Variants in DNAJB6 observed in about 807,000 individuals in gnomAD.
The protein encoded by DNAJB6 is dnaJ homolog subfamily B member 6.
In DNAJB6, 16 loss-of-function variants were observed where a neutral mutation model predicts 42.7. That is an observed-to-expected ratio of 0.37 (90% CI 0.25 to 0.57). The LOEUF (loss-of-function observed/expected upper bound fraction) is 0.57. Among genes scored for constraint, DNAJB6 ranks in the 20% least tolerant of loss-of-function variants. DNAJB6 has a pLI of 0.74. For synonymous variants in DNAJB6, 170 were observed against 163.5 expected (o/e 1.04, Z -0.30); for missense variants, 347 against 416.8 (o/e 0.83, Z 1.46).
chr7:157,402,311 C>CT (rs1205636116), intron 8 of DNAJB6, among the ~76,000 whole-genome samples: 1 of 152,230 alleles, frequency 6.6e-6, no homozygotes, highest in Admixed American at 6.5e-5. Context: ...GGCGCCTCTT[C>CT]TTCCCTGAGC....
In DNAJB6 at chr7:157,416,152, G is replaced by A. The variant is rs1323646864; in HGVS notation, c.*54G>A. ...CAGACGCTGGCGCTCCACCGTGCTC[G>A]GCATGCGGTCGTGCACACGCGCTAG... On this transcript the variant is annotated 3_prime_UTR_variant, in exon 10 of 10. Transcript: ENST00000262177. 1.7e-5 allele frequency: 27 copies of A among 1,587,864 alleles called. No individual in the cohort carries two copies. Among genetic ancestry groups the A allele is most frequent in the African/African-American group, 1.2e-4 (9 of 74,182 alleles).
chr7:157,348,022 T>G (rs1385853015), intron 1 of DNAJB6, among the ~76,000 whole-genome samples: 1 of 151,108 alleles, frequency 6.6e-6, no homozygotes, highest in Non-Finnish European at 1.5e-5. Context: ...TCTTGAACTC[T>G]TGACCTCAGG....
chr7:157,353,058 G>T (rs561971835), intron 1 of DNAJB6, among the ~76,000 whole-genome samples: 2 of 151,982 alleles, frequency 1.3e-5, no homozygotes, highest in African/African-American at 4.8e-5. Flanking sequence ...TCTCGTTAAG[G>T]TCAGGAATTG....
At chr7:157,411,385 G>A (rs1223010695) in intron 9 of DNAJB6, 3 of 148,586 alleles carry the variant, frequency 2.0e-5, no homozygotes, top group Non-Finnish European at 4.5e-5. Context: ...TGCACTGAGC[G>A]GGCGTGGGGA....
intron 1 of DNAJB6, among the ~76,000 whole-genome samples, chr7:157,349,559 T>C (rs891367102): frequency 1.3e-5 from 2 of 152,088 alleles, no homozygotes; most frequent in Non-Finnish European, 2.9e-5. Flanking sequence ...CACGGCTCAC[T>C]GCAGCCTAGA....
At chr7:157,371,603 G>A (rs1800214878) in intron 5 of DNAJB6, among the ~76,000 whole-genome samples, 1 of 152,230 alleles carries the variant, frequency 6.6e-6, no homozygotes, top group African/African-American at 2.4e-5. Flanking sequence ...GAATTGGAGG[G>A]GTACAATCAA....
chr7:157,373,041 C>G (rs1192369090), intron 5 of DNAJB6, among the ~76,000 whole-genome samples: 1 of 151,940 alleles, frequency 6.6e-6, no homozygotes, highest in African/African-American at 2.4e-5. Flanking sequence ...AGTAACTGAT[C>G]ACAGGCATGA....
At chr7:157,352,257 A>T (rs1247969842) in intron 1 of DNAJB6, among the ~76,000 whole-genome samples, 1 of 151,834 alleles carries the variant, frequency 6.6e-6, no homozygotes, top group Admixed American at 6.6e-5. Context: ...TGAACCAGGG[A>T]GTTGGAGGTT....
rs138950887 is a variant in DNAJB6, at chr7:157,347,310, T to C, written c.-27+10166T>C. Among the ~76,000 whole-genome samples, 170 of 152,288 alleles carry C rather than the reference T, an allele frequency of 1.1e-3. 1 individual carries two copies. Among genetic ancestry groups the C allele is most frequent in the African/African-American group, 3.8e-3 (159 of 41,568 alleles). ...GTCCCATAGCCTTGAGGGTTGGAAT[T>C]GTGTACATTGACAGCATAGTGCCAC... On this transcript the variant is annotated intron_variant, in intron 1 of 9. Coordinates refer to ENST00000262177, the MANE Select transcript of DNAJB6 (RefSeq NM_058246.4).
At chr7:157,357,276 GTCCTTCCTTCCGTCCTTCCTTCCTTCCT>G (rs1799345083) in intron 1 of DNAJB6, among the ~76,000 whole-genome samples, 1 of 29,846 alleles carries the variant, frequency 3.4e-5, no homozygotes, top group African/African-American at 1.0e-4. Context: ...CCTTCCTTCC[GTCCTTCCTTCCGTCCTTCCTTCCTTCCT>G]TCCTTCCTTC....
chr7:157,363,724 A>C (rs1255254121), intron 3 of DNAJB6, among the ~76,000 whole-genome samples: 1 of 152,212 alleles, frequency 6.6e-6, no homozygotes, highest in East Asian at 1.9e-4. Context: ...TGGAACATAC[A>C]GCTAAAATTT....
chr7:157,416,653 T>C lies in DNAJB6; in HGVS notation c.*555T>C, dbSNP rs1338696503. 1 of 152,320 alleles carries C rather than the reference T, an allele frequency of 6.6e-6. No homozygotes were observed. Among genetic ancestry groups the C allele is most frequent in the African/African-American group, 2.4e-5 (1 of 41,458 alleles). The allele number at this position is 152,320 out of a possible 1,614,324, so 9.4% of individuals were successfully genotyped here. ...TGAATCACATCAGATGTAAAATCATTCCTTCTGTTTACTCTTTTAATTTTC... is the reference window on the plus strand; with the variant it reads ...TGAATCACATCAGATGTAAAATCATCCCTTCTGTTTACTCTTTTAATTTTC... On this transcript the variant is annotated 3_prime_UTR_variant, in exon 10 of 10. Coordinates refer to ENST00000262177, the MANE Select transcript of DNAJB6 (RefSeq NM_058246.4).
At chr7:157,401,193 T>C (rs10440911) in intron 8 of DNAJB6, among the ~76,000 whole-genome samples, 83,217 of 151,998 alleles carry the variant, frequency 0.55, 24,260 homozygotes, top group African/African-American at 0.76. Context: ...TCTTCAGTCG[T>C]GTACATGATT....
intron 6 of DNAJB6, among the ~76,000 whole-genome samples, chr7:157,384,516 C>T (rs1800951352): frequency 6.6e-6 from 1 of 152,208 alleles, no homozygotes; most frequent in Non-Finnish European, 1.5e-5. Flanking sequence ...AGAATGTTCA[C>T]ATTAACACAA....
At chr7:157,337,403 T>C (rs947239556) in intron 1 of DNAJB6, 3 of 151,850 alleles carry the variant, frequency 2.0e-5, no homozygotes, top group African/African-American at 7.3e-5. Context: ...CCGGCGTCCT[T>C]GCCGGAACGC....
At chr7:157,394,036 CA>C (rs1013756867) in intron 8 of DNAJB6, among the ~76,000 whole-genome samples, 1 of 152,188 alleles carries the variant, frequency 6.6e-6, no homozygotes, top group Admixed American at 6.5e-5. Context: ...TAGTTTCTCT[CA>C]AAAGAATACC....
chr7:157,344,035 T>C (rs1410929659), intron 1 of DNAJB6, among the ~76,000 whole-genome samples: 1 of 152,178 alleles, frequency 6.6e-6, no homozygotes, highest in African/African-American at 2.4e-5. Flanking sequence ...AGTTTCATAA[T>C]TGTTATTAGA....
chr7:157,391,236 T>C (rs866362428), intron 8 of DNAJB6, among the ~76,000 whole-genome samples: 56 of 152,332 alleles, frequency 3.7e-4, no homozygotes, highest in Admixed American at 7.8e-4. Flanking sequence ...GTTTGCAGCC[T>C]GCGTGAGACA....
intron 8 of DNAJB6, among the ~76,000 whole-genome samples, chr7:157,391,757 A>G (rs1801355083): frequency 6.6e-6 from 1 of 152,202 alleles, no homozygotes; most frequent in African/African-American, 2.4e-5. Context: ...GCAGTTGGTT[A>G]AATTAGGTAC....
Sources: allele counts gnomAD v4.1 joint callset (sites outside exome capture counted in the v4.1 genomes callset), GRCh38; gene constraint gnomAD v4.1.1; transcripts MANE v1.5; gene names NCBI Gene and HGNC (gene_info 2026-07-23, HGNC 2026-07-21).